The following ZC3H7A variants were observed in gnomAD, a reference collection of about 807,000 sequenced individuals.
The protein encoded by ZC3H7A is zinc finger CCCH domain-containing protein 7A.
Under a neutral mutation model 125.5 loss-of-function variants are expected in ZC3H7A, and 44 were observed. The ratio of observed to expected loss-of-function variants is 0.35; its 90% CI spans 0.28 to 0.45. The LOEUF is 0.45. ZC3H7A is among the 20% of genes least tolerant of loss of function. ZC3H7A has a pLI of 1.00. For missense variants in ZC3H7A, 977 were observed against 1,170.7 expected (o/e 0.83, Z 2.41); for synonymous variants, 399 against 391.2 (o/e 1.02, Z -0.23).
At chr16:11,760,088 G>A (rs2010888) in intron 19 of ZC3H7A, among the ~76,000 whole-genome samples, 87,147 of 142,906 alleles carry the variant, frequency 0.61, 27,093 homozygotes, top group East Asian at 0.85. Flanking sequence ...TCGCAACATT[G>A]CACTCCAGCC....
chr16:11,756,382 T>C lies in ZC3H7A; in HGVS notation c.2429-12A>G, dbSNP rs1282585487. The C allele has an allele frequency of 1.2e-6, 2 of 1,604,866 alleles. No individual in the cohort carries two copies. The highest frequency in any genetic ancestry group is 1.7e-6 in the Non-Finnish European group (2 of 1,177,624). On this transcript the variant is annotated splice_polypyrimidine_tract_variant and intron_variant, in intron 20 of 22. Coordinates refer to ENST00000355758, the MANE Select transcript of ZC3H7A (RefSeq NM_014153.4). ...CTCCATATCTTGTACTAAAGAAAAA[T>C]GAATTACTTTCAGCAGCAGCAACTA... is the stretch of plus-strand genomic sequence containing the variant.
chr16:11,762,177 T>C, intron 17 of ZC3H7A, 134 bp from the exon 18 acceptor site: 1 of 871,420 alleles, frequency 1.1e-6, no homozygotes, highest in South Asian at 2.0e-5. Context: ...GATTTGACCA[T>C]TATATCTGAT....
At chr16:11,776,615 T>A in intron 5 of ZC3H7A, 83 bp from the exon 6 acceptor site, 1 of 1,497,454 alleles carries the variant, frequency 6.7e-7, no homozygotes, top group Non-Finnish European at 9.0e-7. Context: ...AAGTTTCCCA[T>A]CAAGACACCT....
Position 11,779,235 on chromosome 16 carries a change from T to G in ZC3H7A, c.237A>C (p.Glu79Asp). The G allele has an allele frequency of 6.2e-7, 1 of 1,613,062 alleles. No individual in the cohort carries two copies. The highest frequency in any genetic ancestry group is 8.5e-7 in the Non-Finnish European group (1 of 1,179,208). Residue 79 changes from glutamate (E) to aspartate (D), a missense_variant, in exon 4 of 23, where the codon GAA becomes GAC. By Grantham distance (45) the Glu-to-Asp change is conservative. Coordinates refer to ENST00000355758, the MANE Select transcript of ZC3H7A (RefSeq NM_014153.4). ...TTATTTCTTTGGGGATTAAAATTTC[T>G]TCAGATTTTGCATAATCAGCTATAT... Reference protein sequence around the residue: ...ALNIADYAKSEEILIPKEIIE... With the variant: ...ALNIADYAKSDEILIPKEIIE...
intron 1 of ZC3H7A, among the ~76,000 whole-genome samples, chr16:11,794,173 C>T (rs1253808001): frequency 6.6e-6 from 1 of 152,164 alleles, no homozygotes; most frequent in Admixed American, 6.6e-5. Flanking sequence ...CCACGATGTA[C>T]CCAAGACCGC....
chr16:11,776,828 A>C lies in ZC3H7A; in HGVS notation c.388T>G (p.Ser130Ala). 6.2e-7 allele frequency: 1 copy of C among 1,613,960 alleles called. No individual in the cohort carries two copies. Among genetic ancestry groups the C allele is most frequent in the Non-Finnish European group, 8.5e-7 (1 of 1,179,978 alleles). Residue 130 changes from serine (S) to alanine (A), a missense_variant, in exon 5 of 23, where the codon TCT (serine) becomes GCT (alanine). Around this residue, in one of 3 missense-constraint regions of ZC3H7A, gnomAD observed 199 missense variants for 256.1 expected, o/e 0.78. Transcript: ENST00000355758. ...ASNCKALYRK[S>A]KALSDLGRYK... is the part of the protein sequence containing the mutation. ...CTTCCTAAATCACTTAAAGCCTTAG[A>C]TTTCCGATACAGAGCTTTGCAGTTA...
chr16:11,769,141 G>A (rs755097546), intron 10 of ZC3H7A, 46 bp from the exon 11 acceptor site: 11 of 1,534,310 alleles, frequency 7.2e-6, no homozygotes, highest in Admixed American at 3.9e-5. Flanking sequence ...TTCTGATCAC[G>A]TAATAAGAAC....
intron 1 of ZC3H7A, among the ~76,000 whole-genome samples, chr16:11,791,616 G>C (rs981642562): frequency 3.9e-5 from 6 of 152,218 alleles, no homozygotes; most frequent in Non-Finnish European, 5.9e-5. Flanking sequence ...CTCATACAAA[G>C]TTCAGAGGCC....
intron 1 of ZC3H7A, among the ~76,000 whole-genome samples, chr16:11,786,793 G>A (rs1192842416): frequency 6.6e-6 from 1 of 152,064 alleles, no homozygotes; most frequent in Non-Finnish European, 1.5e-5. Flanking sequence ...TTATAATACT[G>A]TATGCCCAAA....
At chr16:11,775,111 G>C in intron 7 of ZC3H7A, 98 bp from the exon 8 acceptor site, 2 of 1,327,666 alleles carry the variant, frequency 1.5e-6, no homozygotes, top group Admixed American at 1.8e-5. Context: ...AGTGGCTCAC[G>C]CCTGTAATCC....
chr16:11,771,502 TCTAA>T (rs1441711730), intron 9 of ZC3H7A, among the ~76,000 whole-genome samples: 2 of 151,976 alleles, frequency 1.3e-5, no homozygotes, highest in Non-Finnish European at 2.9e-5. Flanking sequence ...AGGTGGGATG[TCTAA>T]CTTTTTTTTT....
chr16:11,783,985 G>A (rs542968306), intron 1 of ZC3H7A, among the ~76,000 whole-genome samples: 6 of 137,370 alleles, frequency 4.4e-5, no homozygotes, highest in Admixed American at 8.3e-5. Flanking sequence ...ACAAAAAAGG[G>A]GGGGGCTGTG....
At chr16:11,781,718 C>T (rs942515067) in intron 2 of ZC3H7A, among the ~76,000 whole-genome samples, 1 of 150,730 alleles carries the variant, frequency 6.6e-6, no homozygotes, top group Admixed American at 6.6e-5. Flanking sequence ...ACTTTCAAAC[C>T]TACTTCTATT....
At chr16:11,767,272 C>T (rs1255092836) in intron 13 of ZC3H7A, 145 bp downstream of exon 13, 9 of 639,872 alleles carry the variant, frequency 1.4e-5, no homozygotes, top group Admixed American at 3.8e-5. Context: ...GGTGCGTCGT[C>T]GGCTACACCA....
intron 13 of ZC3H7A, 130 bp downstream of exon 13, chr16:11,767,287 G>A (rs1019802391): frequency 2.6e-6 from 2 of 773,522 alleles, no homozygotes; most frequent in Non-Finnish European, 3.8e-6. Context: ...ACACCATCGA[G>A]GTTTGTGTAA....
chr16:11,760,583 A>G (rs912737342), intron 19 of ZC3H7A, among the ~76,000 whole-genome samples: 4 of 152,160 alleles, frequency 2.6e-5, no homozygotes, highest in African/African-American at 9.7e-5. Flanking sequence ...CCTCATTTAC[A>G]CGGGGACTCT....
chr16:11,788,074 C>G (rs1596405010), intron 1 of ZC3H7A, among the ~76,000 whole-genome samples: 1 of 152,220 alleles, frequency 6.6e-6, no homozygotes, highest in East Asian at 1.9e-4. Flanking sequence ...CTGTTAAAAT[C>G]TAGCCTCAAT....
chr16:11,769,621 G>A lies in ZC3H7A; in HGVS notation c.1109-526C>T, dbSNP rs1397480381. On this transcript the variant is annotated intron_variant, in intron 10 of 22. Transcript: ENST00000355758. ...AGCTACTCAGGAGGCTGAGGCAGGA[G>A]AATCGCTTGAACCCAAGAGGCAGAG... Among the ~76,000 whole-genome samples, 4 of 141,884 alleles carry A rather than the reference G, an allele frequency of 2.8e-5. No homozygotes were observed. The East Asian group carries it at 8.5e-4, about 30-fold the overall frequency. 93.1% of individuals were successfully genotyped at this position (141,884 alleles called of 152,430 possible).
At chr16:11,763,702 A>AT in intron 15 of ZC3H7A, 43 bp from the exon 16 acceptor site, 1 of 616,188 alleles carries the variant, frequency 1.6e-6, no homozygotes. Flanking sequence ...TCTGCCATAG[A>AT]TTTTTCAAAT....
Sources: allele counts gnomAD v4.1 joint callset (sites outside exome capture counted in the v4.1 genomes callset), GRCh38; gene constraint gnomAD v4.1.1; regional missense constraint gnomAD v4.1.1; transcripts MANE v1.5; gene names NCBI Gene and HGNC (gene_info 2026-07-23, HGNC 2026-07-21).